LRRC7: variants seen among roughly 807,000 people sequenced by gnomAD.
LRRC7 encodes the protein leucine rich repeat containing 7.
In LRRC7, 23 loss-of-function variants were observed where a neutral mutation model predicts 175.7. The ratio of observed to expected loss-of-function variants is 0.13; its 90% confidence interval spans 0.09 to 0.19. The LOEUF is 0.19. Among genes scored for constraint, LRRC7 ranks in the 10% least tolerant of loss-of-function variants. LRRC7 has a pLI of 1.00. For missense variants in LRRC7, 1,354 were observed against 1,904.7 expected (o/e 0.71, Z 5.38); for synonymous variants, 685 against 680.9 (o/e 1.01, Z -0.09).
intron 24 of LRRC7, among the ~76,000 whole-genome samples, chr1:70,088,094 A>G (rs1663747197): frequency 1.3e-5 from 2 of 152,182 alleles, no homozygotes; most frequent in South Asian, 2.1e-4. Flanking sequence ...GCTACTTAAG[A>G]AAGCAAATGT....
intron 8 of LRRC7, among the ~76,000 whole-genome samples, chr1:69,975,084 G>T (rs921874149): frequency 1.3e-5 from 2 of 152,110 alleles, no homozygotes; most frequent in African/African-American, 4.8e-5. Context: ...TAGAAATATA[G>T]ATTAGAATCA....
intron 7 of LRRC7, among the ~76,000 whole-genome samples, chr1:69,867,361 G>T (rs553691765): frequency 4.3e-4 from 66 of 152,214 alleles, no homozygotes; most frequent in Non-Finnish European, 8.1e-4. Flanking sequence ...AGGCTGATTC[G>T]CTCAGGTGTT....
At chr1:69,911,131 C>G (rs1014185493) in intron 7 of LRRC7, among the ~76,000 whole-genome samples, 1 of 152,192 alleles carries the variant, frequency 6.6e-6, no homozygotes, top group Non-Finnish European at 1.5e-5. Context: ...AAGGGAACTC[C>G]CTGACCCCTT....
chr1:69,786,458 T>A (rs1364207074), intron 3 of LRRC7, among the ~76,000 whole-genome samples: 1 of 152,022 alleles, frequency 6.6e-6, no homozygotes, highest in Non-Finnish European at 1.5e-5. Flanking sequence ...TTTTCATCCC[T>A]CTTATTTTTT....
At chr1:69,978,751 G>GT (rs1248494046) in intron 8 of LRRC7, among the ~76,000 whole-genome samples, 1 of 152,160 alleles carries the variant, frequency 6.6e-6, no homozygotes, top group Admixed American at 6.5e-5. Flanking sequence ...AGGATGTGTA[G>GT]ATAACCTCCA....
chr1:69,814,216 C>A (rs1481998696), intron 4 of LRRC7, among the ~76,000 whole-genome samples: 4 of 151,758 alleles, frequency 2.6e-5, no homozygotes, highest in Admixed American at 1.3e-4. Context: ...TTATTAAATC[C>A]CATATATATC....
intron 1 of LRRC7, among the ~76,000 whole-genome samples, chr1:69,627,122 A>G (rs1016658329): frequency 6.6e-6 from 1 of 152,124 alleles, no homozygotes; most frequent in Non-Finnish European, 1.5e-5. Context: ...TGGTATTCCT[A>G]GTTCTAGATC....
intron 2 of LRRC7, among the ~76,000 whole-genome samples, chr1:69,694,448 A>G (rs1464041360): frequency 6.6e-6 from 1 of 152,142 alleles, no homozygotes; most frequent in Non-Finnish European, 1.5e-5. Flanking sequence ...TTGGAGATTC[A>G]TTCCAGACAT....
At chr1:69,587,462 C>G (rs1215396657) in intron 1 of LRRC7, among the ~76,000 whole-genome samples, 2 of 152,116 alleles carry the variant, frequency 1.3e-5, no homozygotes, top group East Asian at 1.9e-4. Context: ...GAAATACAGG[C>G]CTATATAGGA....
intron 8 of LRRC7, among the ~76,000 whole-genome samples, chr1:69,957,007 T>C (rs1317466937): frequency 1.3e-5 from 2 of 150,964 alleles, no homozygotes; most frequent in African/African-American, 4.9e-5. Context: ...TAAAGGTTTC[T>C]ACTGATGACA....
intron 7 of LRRC7, among the ~76,000 whole-genome samples, chr1:69,926,662 A>G (rs983630456): frequency 2.6e-5 from 4 of 151,756 alleles, no homozygotes; most frequent in Non-Finnish European, 5.9e-5. Flanking sequence ...TTTGTTTGGT[A>G]GATCTTCCTC....
intron 2 of LRRC7, among the ~76,000 whole-genome samples, chr1:69,717,257 T>G (rs1401526668): frequency 6.6e-6 from 1 of 151,740 alleles, no homozygotes; most frequent in Admixed American, 6.6e-5. Context: ...GATATTTCTA[T>G]AACCACAGAA....
chr1:69,749,770 G>A (rs1202509402), intron 2 of LRRC7, among the ~76,000 whole-genome samples: 2 of 151,974 alleles, frequency 1.3e-5, no homozygotes, highest in Admixed American at 6.6e-5. Flanking sequence ...GTGTCTTCAG[G>A]GAAGTAGAAG....
intron 1 of LRRC7, among the ~76,000 whole-genome samples, chr1:69,600,662 C>T (rs1647016517): frequency 6.6e-6 from 1 of 152,034 alleles, no homozygotes; most frequent in African/African-American, 2.4e-5. Context: ...GGCTCCTATG[C>T]CCCTTTGACT....
intron 1 of LRRC7, among the ~76,000 whole-genome samples, chr1:69,601,180 G>A (rs865911328): frequency 2.0e-5 from 3 of 152,086 alleles, no homozygotes; most frequent in Admixed American, 6.6e-5. Flanking sequence ...GTACTATTGC[G>A]GTAAGAGTGT....
Position 70,105,416 on chromosome 1 carries a change from A to T in LRRC7, c.4546-2336A>T, listed in dbSNP as rs574465161. 3.3e-5 allele frequency among the ~76,000 whole-genome samples: 5 copies of T among 151,156 alleles called. No homozygotes were observed. The South Asian group carries it at 6.2e-4, about 19-fold the overall frequency. Reference sequence around the variant, plus strand: ...TAAGAAAACACAAATAAGGAAAAATAAAAAAAAATCTGATGTCCCATTACT... The same window carrying T: ...TAAGAAAACACAAATAAGGAAAAATTAAAAAAAATCTGATGTCCCATTACT... On this transcript the variant is annotated intron_variant, in intron 25 of 26. Transcript: ENST00000651989.
intron 1 of LRRC7, among the ~76,000 whole-genome samples, chr1:69,648,373 G>T (rs1268433441): frequency 1.3e-5 from 2 of 152,032 alleles, no homozygotes; most frequent in Non-Finnish European, 2.9e-5. Context: ...GCCTAAGAAC[G>T]ACATACTCAC....
intron 1 of LRRC7, among the ~76,000 whole-genome samples, chr1:69,571,752 A>G (rs1350604910): frequency 6.6e-6 from 1 of 152,144 alleles, no homozygotes; most frequent in African/African-American, 2.4e-5. Context: ...GGAATCACAC[A>G]TTCCACGAGA....
intron 25 of LRRC7, among the ~76,000 whole-genome samples, chr1:70,107,359 A>G (rs1398173378): frequency 1.3e-5 from 2 of 152,228 alleles, no homozygotes; most frequent in African/African-American, 4.8e-5. Context: ...AAATAGAGAT[A>G]CTTTTTCAAA....
Sources: allele counts gnomAD v4.1 joint callset (sites outside exome capture counted in the v4.1 genomes callset), GRCh38; gene constraint gnomAD v4.1.1; transcripts MANE v1.5; gene names NCBI Gene and HGNC (gene_info 2026-07-23, HGNC 2026-07-21).